Variants in TANC2 observed in about 807,000 individuals in gnomAD.
TANC2 encodes tetratricopeptide repeat, ankyrin repeat and coiled-coil containing 2.
TANC2 carries 26 observed loss-of-function variants against 210.5 expected under a neutral mutation model. That is an observed-to-expected ratio of 0.12 (90% CI 0.09 to 0.17). The LOEUF is 0.17. Ranked by LOEUF, TANC2 falls within the 10% of genes least tolerant of loss-of-function variation. The probability of loss-of-function intolerance (pLI) is 1.00; values close to 1 mark genes in which losing one functional copy is unlikely to be tolerated. For missense variants in TANC2, 2,129 were observed against 2,608.9 expected (o/e 0.82, Z 4.01); for synonymous variants, 931 against 967.1 (o/e 0.96, Z 0.69).
At chr17:63,186,890 G>A (rs1366920884) in intron 5 of TANC2, among the ~76,000 whole-genome samples, 1 of 152,188 alleles carries the variant, frequency 6.6e-6, no homozygotes, top group Admixed American at 6.5e-5. Flanking sequence ...CAGTCTCACA[G>A]AGATTGTTTT....
intron 4 of TANC2, among the ~76,000 whole-genome samples, chr17:63,109,970 G>T (rs149181067): frequency 0.016 from 2,477 of 151,698 alleles, 154 homozygotes; most frequent in African/African-American, 0.057. Context: ...TAGCTTAAAA[G>T]ACTTTATTTA....
Position 63,340,342 on chromosome 17 carries a change from AG to A in TANC2, c.1807+12del. 1 of 1,608,500 alleles carries A rather than the reference AG, an allele frequency of 6.2e-7. No individual in the cohort carries two copies. Among genetic ancestry groups the A allele is most frequent in the Non-Finnish European group, 8.5e-7 (1 of 1,175,962 alleles). Reference sequence around the variant, plus strand: ...GAAAATCTCCATAAAGGTACAGATAAGGCCCAAAGGAGGGGAAAGATGGAGG... The same window carrying A: ...GAAAATCTCCATAAAGGTACAGATAAGCCCAAAGGAGGGGAAAGATGGAGG... On this transcript the variant is annotated intron_variant, in intron 12 of 27. Transcript: ENST00000689528.
At chr17:63,226,408 ACT>A (rs2042330292) in intron 7 of TANC2, among the ~76,000 whole-genome samples, 1 of 151,952 alleles carries the variant, frequency 6.6e-6, no homozygotes, top group Non-Finnish European at 1.5e-5. Flanking sequence ...TCTGATCTGG[ACT>A]CTGTCTCCTC....
chr17:63,413,926 T>G (rs544319824), intron 25 of TANC2, among the ~76,000 whole-genome samples: 13 of 152,298 alleles, frequency 8.5e-5, no homozygotes, highest in Admixed American at 1.3e-4. Flanking sequence ...ATCTGGAAAC[T>G]CATGAGACAA....
chr17:63,413,585 T>C (rs1232115382), exon 25 of TANC2: 1 of 1,602,662 alleles, frequency 6.2e-7, no homozygotes, highest in Non-Finnish European at 8.5e-7. Flanking sequence ...CCAGACATCA[T>C]GATCATCCTG....
intron 14 of TANC2, among the ~76,000 whole-genome samples, chr17:63,361,021 A>C (rs2046943244): frequency 6.6e-6 from 1 of 152,208 alleles, no homozygotes; most frequent in East Asian, 1.9e-4. Context: ...TATATGCACC[A>C]CATTTTGTTT....
chr17:63,224,250 A>AT (rs768863390), intron 7 of TANC2, among the ~76,000 whole-genome samples: 50,868 of 130,308 alleles, frequency 0.39, 11,657 homozygotes, highest in African/African-American at 0.62. Context: ...AGACTTGCTG[A>AT]TTTTTTTTTT....
At chr17:63,169,884 C>T (rs980753972) in intron 5 of TANC2, among the ~76,000 whole-genome samples, 1 of 152,066 alleles carries the variant, frequency 6.6e-6, no homozygotes, top group Non-Finnish European at 1.5e-5. Context: ...GTAATCCCAG[C>T]ACTTTGGGAG....
chr17:62,976,248 C>T (rs978803846), intron 1 of TANC2, among the ~76,000 whole-genome samples: 2 of 152,072 alleles, frequency 1.3e-5, no homozygotes, highest in Admixed American at 6.5e-5. Context: ...TCTTGAGATG[C>T]GCCCCTTGAC....
intron 4 of TANC2, among the ~76,000 whole-genome samples, chr17:63,128,314 A>C (rs1304204798): frequency 6.6e-6 from 1 of 152,188 alleles, no homozygotes; most frequent in Non-Finnish European, 1.5e-5. Context: ...TGTGATTATT[A>C]CACATTATAT....
chr17:63,333,549 A>T, intron 11 of TANC2, among the ~76,000 whole-genome samples: 1 of 152,238 alleles, frequency 6.6e-6, no homozygotes, highest in Non-Finnish European at 1.5e-5. Flanking sequence ...CTTGGTAAAG[A>T]TGCTGTGAGC....
chr17:63,099,493 T>TAAAA (rs3060701), intron 4 of TANC2, 136 bp downstream of exon 4: 121 of 359,564 alleles, frequency 3.4e-4, no homozygotes, highest in South Asian at 1.0e-3. Context: ...CTCTTGACAC[T>TAAAA]AAAAAAAAAA....
intron 3 of TANC2, among the ~76,000 whole-genome samples, chr17:63,097,453 C>A (rs190704039): frequency 2.4e-3 from 369 of 151,928 alleles, no homozygotes; most frequent in Non-Finnish European, 4.3e-3. Flanking sequence ...AGTTTTGCAC[C>A]AACCTAATAA....
chr17:63,038,018 T>C (rs1195206834), intron 2 of TANC2, among the ~76,000 whole-genome samples: 1 of 152,156 alleles, frequency 6.6e-6, no homozygotes, highest in Non-Finnish European at 1.5e-5. Flanking sequence ...CTTTATTCTT[T>C]TTCTCATTTT....
chr17:63,148,252 T>TA (rs1162220952), intron 4 of TANC2: 3 of 152,206 alleles, frequency 2.0e-5, no homozygotes, highest in Non-Finnish European at 4.4e-5. Flanking sequence ...ACTACTTTCT[T>TA]ACTTTGTTTT....
chr17:63,046,325 CTTTTTTTTTTTTTT>C (rs57550590), intron 2 of TANC2, among the ~76,000 whole-genome samples: 1 of 44,136 alleles, frequency 2.3e-5, no homozygotes, highest in African/African-American at 1.2e-4. Flanking sequence ...ACACCCAGCT[CTTTTTTTTTTTTTT>C]TTTTTTTTTT....
At chr17:63,380,349 A>G (rs2047566814) in intron 15 of TANC2, among the ~76,000 whole-genome samples, 1 of 152,212 alleles carries the variant, frequency 6.6e-6, no homozygotes, top group African/African-American at 2.4e-5. Context: ...ACTCTATAAC[A>G]TCAGCTTCTC....
At chr17:63,239,965 G>A (rs766139579) in intron 8 of TANC2, among the ~76,000 whole-genome samples, 13 of 152,056 alleles carry the variant, frequency 8.5e-5, no homozygotes, top group Non-Finnish European at 1.6e-4. Context: ...CCCATTCTCT[G>A]GAGAACTCTC....
chr17:63,360,523 A>G (rs559251854), intron 14 of TANC2, among the ~76,000 whole-genome samples: 9 of 152,274 alleles, frequency 5.9e-5, no homozygotes, highest in Admixed American at 3.3e-4. Flanking sequence ...ATACATACAT[A>G]CATATATATA....
Sources: allele counts gnomAD v4.1 joint callset (sites outside exome capture counted in the v4.1 genomes callset), GRCh38; gene constraint gnomAD v4.1.1; transcripts MANE v1.5; gene names NCBI Gene and HGNC (gene_info 2026-07-23, HGNC 2026-07-21).